KIF21A: variants seen among roughly 807,000 people sequenced by gnomAD.
The protein encoded by KIF21A is kinesin-like protein KIF21A.
Under a neutral mutation model 202.9 loss-of-function variants are expected in KIF21A, and 114 were observed. That is an observed-to-expected ratio of 0.56 (90% CI 0.48 to 0.66). The LOEUF is 0.66. Among genes scored for constraint, KIF21A ranks in the 30% least tolerant of loss-of-function variants. The pLI, the probability that KIF21A is intolerant of heterozygous loss-of-function variation, is 0.00. For synonymous variants in KIF21A, 667 were observed against 670.8 expected, an observed-to-expected ratio of 0.99 and a Z score of 0.09; for missense variants, 1,677 against 1,994.9, an observed-to-expected ratio of 0.84 and a Z score of 3.04.
At chr12:39,322,554 C>T (rs1041767544) in intron 27 of KIF21A, 114 bp downstream of exon 27, 2 of 792,690 alleles carry the variant, frequency 2.5e-6, no homozygotes, top group African/African-American at 3.5e-5. Context: ...ATTTCGAAAA[C>T]CAGAGATCAA....
chr12:39,293,291 C>A lies in KIF21A; in HGVS notation c.*1133G>T, dbSNP rs1942015822. Reference sequence around the variant, plus strand: ...GTTTTCATTTACAAGCAAATATTTTCAGGGGAAAAAATCACATAAGACAAT... The same window carrying A: ...GTTTTCATTTACAAGCAAATATTTTAAGGGGAAAAAATCACATAAGACAAT... On this transcript the variant is annotated 3_prime_UTR_variant, in exon 38 of 38. Transcript: ENST00000361418. 1 of 152,258 alleles carries A rather than the reference C, an allele frequency of 6.6e-6. No individual in the cohort carries two copies. Among genetic ancestry groups the A allele is most frequent in the Non-Finnish European group, 1.5e-5 (1 of 68,008 alleles). 9.4% of individuals were successfully genotyped at this position (152,258 alleles called of 1,614,324 possible).
intron 1 of KIF21A, among the ~76,000 whole-genome samples, chr12:39,397,396 A>T (rs964466676): frequency 2.6e-5 from 4 of 152,166 alleles, no homozygotes; most frequent in Non-Finnish European, 5.9e-5. Context: ...GTAAAACTAC[A>T]CACTCACTTC....
chr12:39,393,161 G>A (rs570836727), intron 1 of KIF21A, among the ~76,000 whole-genome samples: 18 of 151,788 alleles, frequency 1.2e-4, no homozygotes, highest in Admixed American at 1.1e-3. Context: ...TCTCAGCCTC[G>A]CCTGGAGGGA....
chr12:39,351,986 A>G lies in KIF21A; in HGVS notation c.1470-6T>C. ...CACTTTCTAATAATTTTGCCCTAGC[A>G]AATAAAAATATATTTAAATAGGGAG... On this transcript the variant is annotated splice_polypyrimidine_tract_variant and splice_region_variant and intron_variant, in intron 10 of 37. Coordinates refer to ENST00000361418, the MANE Select transcript of KIF21A (RefSeq NM_001173464.2). The G allele has an allele frequency of 6.2e-7, 1 of 1,602,302 alleles. No homozygotes were observed.
At chr12:39,425,689 C>T (rs770169800) in intron 1 of KIF21A, among the ~76,000 whole-genome samples, 13 of 151,944 alleles carry the variant, frequency 8.6e-5, no homozygotes, top group Non-Finnish European at 1.8e-4. Flanking sequence ...TTAGGAAAGG[C>T]GTCCTTAAAA....
At chr12:39,426,505 G>T (rs1459430564) in intron 1 of KIF21A, among the ~76,000 whole-genome samples, 1 of 152,118 alleles carries the variant, frequency 6.6e-6, no homozygotes, top group African/African-American at 2.4e-5. Context: ...AACCAAGGAG[G>T]CTATGTCAAA....
intron 37 of KIF21A, among the ~76,000 whole-genome samples, chr12:39,300,830 A>G (rs1942893417): frequency 6.6e-6 from 1 of 152,104 alleles, no homozygotes; most frequent in Non-Finnish European, 1.5e-5. Context: ...ACCCTGCCCT[A>G]GGAAAATCCC....
intron 7 of KIF21A, among the ~76,000 whole-genome samples, chr12:39,362,556 G>A (rs542175066): frequency 6.6e-6 from 1 of 151,936 alleles, no homozygotes; most frequent in South Asian, 2.1e-4. Context: ...AAGCAAGAAT[G>A]TCAGTGATAT....
chr12:39,307,838 C>T, intron 33 of KIF21A, 109 bp from the exon 34 acceptor site: 1 of 839,170 alleles, frequency 1.2e-6, no homozygotes, highest in Non-Finnish European at 2.0e-6. Flanking sequence ...AGAACAGTGT[C>T]CTTTTGTCAC....
chr12:39,388,200 TGTGA>T (rs1951086792), intron 1 of KIF21A, among the ~76,000 whole-genome samples: 1 of 152,118 alleles, frequency 6.6e-6, no homozygotes, highest in South Asian at 2.1e-4. Context: ...CCGGAGGCAG[TGTGA>T]GTGAGTTCTC....
intron 36 of KIF21A, among the ~76,000 whole-genome samples, 166 bp from the exon 37 acceptor site, chr12:39,301,845 C>T (rs573054110): frequency 2.9e-4 from 44 of 152,152 alleles, no homozygotes; most frequent in Admixed American, 1.8e-3. Flanking sequence ...AAGAAATAAA[C>T]GGATAATTTG....
chr12:39,373,187 T>G (rs1017671724), intron 1 of KIF21A, among the ~76,000 whole-genome samples: 2 of 152,218 alleles, frequency 1.3e-5, no homozygotes, highest in Non-Finnish European at 2.9e-5. Flanking sequence ...TCCCTCTGCT[T>G]TGCCATGCTA....
chr12:39,312,527 T>C (rs906131666), intron 31 of KIF21A: 3 of 152,028 alleles, frequency 2.0e-5, no homozygotes, highest in African/African-American at 7.2e-5. Context: ...TATAATTGGA[T>C]TGTTTGCAAC....
intron 1 of KIF21A, among the ~76,000 whole-genome samples, chr12:39,400,753 C>A (rs925298689): frequency 6.6e-6 from 1 of 152,086 alleles, no homozygotes; most frequent in East Asian, 1.9e-4. Flanking sequence ...TAGAGAAAGG[C>A]TGATTTAGGC....
At chr12:39,384,937 G>A (rs1592467554) in intron 1 of KIF21A, among the ~76,000 whole-genome samples, 1 of 152,176 alleles carries the variant, frequency 6.6e-6, no homozygotes, top group East Asian at 1.9e-4. Context: ...GCCTAGCCAT[G>A]TGACCTTCTC....
At chr12:39,427,437 A>G (rs1954852941) in intron 1 of KIF21A, among the ~76,000 whole-genome samples, 1 of 152,198 alleles carries the variant, frequency 6.6e-6, no homozygotes, top group East Asian at 1.9e-4. Flanking sequence ...GAGAGGGGTA[A>G]CGTTATTTTT....
intron 7 of KIF21A, among the ~76,000 whole-genome samples, chr12:39,359,292 C>T (rs1280438272): frequency 6.6e-6 from 1 of 152,158 alleles, no homozygotes; most frequent in Non-Finnish European, 1.5e-5. Flanking sequence ...ACTAAGGTAT[C>T]ACCTAATCCA....
intron 1 of KIF21A, among the ~76,000 whole-genome samples, chr12:39,374,295 A>T (rs1950134663): frequency 6.6e-6 from 1 of 152,208 alleles, no homozygotes; most frequent in African/African-American, 2.4e-5. Context: ...TATAACATTT[A>T]CAACTTTGGA....
chr12:39,310,833 A>C (rs1044837120), intron 32 of KIF21A, among the ~76,000 whole-genome samples: 1 of 152,052 alleles, frequency 6.6e-6, no homozygotes, highest in East Asian at 1.9e-4. Flanking sequence ...GCAATTGTAC[A>C]AAAGGGGTTA....
Sources: gnomAD v4.1 joint callset for allele counts (sites outside exome capture counted in the v4.1 genomes callset) on GRCh38, gnomAD v4.1.1 for gene constraint, MANE v1.5 for transcripts, NCBI Gene and HGNC (gene_info 2026-07-23, HGNC 2026-07-21) for gene names.